FBXO4: variants seen among roughly 807,000 people sequenced by gnomAD.
FBXO4 encodes F-box protein 4, also known as F-box only protein 4.
FBXO4 carries 36 observed loss-of-function variants against 43.7 expected under a neutral mutation model. The ratio of observed to expected loss-of-function variants is 0.82; its 90% CI spans 0.63 to 1.09. FBXO4 has a LOEUF of 1.09. Ranked by LOEUF, FBXO4 falls within the 50% of genes least tolerant of loss-of-function variation. FBXO4 has a pLI of 0.00. For missense variants in FBXO4, 435 were observed against 474.1 expected (o/e 0.92, Z 0.77); for synonymous variants, 180 against 165.6 (o/e 1.09, Z -0.67).
the FBXO4 span, among the ~76,000 whole-genome samples, chr5:41,974,486 T>G: frequency 6.6e-6 from 1 of 152,196 alleles, no homozygotes; most frequent in South Asian, 2.1e-4. Context: ...CTGAGTAATA[T>G]CTGTCAATCT....
chr5:41,930,282 C>G (rs1335030209), intron 3 of FBXO4: 1 of 156,306 alleles, frequency 6.4e-6, no homozygotes. Context: ...AGATTTAAAT[C>G]ATCACCTTCC....
the FBXO4 span, among the ~76,000 whole-genome samples, chr5:41,980,058 G>A: frequency 1.3e-5 from 2 of 152,160 alleles, no homozygotes; most frequent in African/African-American, 4.8e-5. Context: ...TGGGGGCTTA[G>A]TGCAAACTTA....
chr5:41,946,836 T>C, the FBXO4 span, among the ~76,000 whole-genome samples: 3 of 152,204 alleles, frequency 2.0e-5, no homozygotes, highest in Non-Finnish European at 2.9e-5. Context: ...TCTTCTGCTT[T>C]CTTCATTTAC....
the FBXO4 span, among the ~76,000 whole-genome samples, chr5:42,017,486 T>A: frequency 6.6e-6 from 1 of 152,064 alleles, no homozygotes; most frequent in Non-Finnish European, 1.5e-5. Context: ...TGTGCAGGTT[T>A]GTTACTTGGG....
chr5:42,021,839 G>A, the FBXO4 span, among the ~76,000 whole-genome samples: 1 of 152,066 alleles, frequency 6.6e-6, no homozygotes, highest in African/African-American at 2.4e-5. Flanking sequence ...TTGAAGAACA[G>A]CAACAGAGAA....
At chr5:41,974,351 A>G in the FBXO4 span, among the ~76,000 whole-genome samples, 1 of 151,914 alleles carries the variant, frequency 6.6e-6, no homozygotes, top group Non-Finnish European at 1.5e-5. Flanking sequence ...AATTACATGT[A>G]TGTTAGATGG....
the FBXO4 span, among the ~76,000 whole-genome samples, chr5:41,975,941 A>G: frequency 2.6e-5 from 4 of 152,078 alleles, no homozygotes; most frequent in Non-Finnish European, 5.9e-5. Flanking sequence ...AGGCCTCAAG[A>G]AGCTTACAAT....
chr5:41,936,023 G>C (rs1482163593), intron 5 of FBXO4, among the ~76,000 whole-genome samples: 1 of 150,970 alleles, frequency 6.6e-6, no homozygotes, highest in African/African-American at 2.4e-5. Flanking sequence ...GTTTGATTCA[G>C]CCTACTGCAT....
chr5:41,938,175 A>G (rs564438763), intron 5 of FBXO4, among the ~76,000 whole-genome samples: 2 of 152,338 alleles, frequency 1.3e-5, no homozygotes, highest in Non-Finnish European at 2.9e-5. Flanking sequence ...ATAGTGTATT[A>G]TACATGTATG....
At chr5:41,949,946 C>T in the FBXO4 span, among the ~76,000 whole-genome samples, 9 of 152,040 alleles carry the variant, frequency 5.9e-5, no homozygotes, top group Non-Finnish European at 1.2e-4. Context: ...ACAAACCTGA[C>T]AAAAACAAGC....
the FBXO4 span, among the ~76,000 whole-genome samples, chr5:41,998,068 T>C: frequency 1.4e-4 from 22 of 152,188 alleles, no homozygotes; most frequent in Admixed American, 1.2e-3. Flanking sequence ...CTAGGAACAC[T>C]GTAATTAATT....
the FBXO4 span, chr5:41,968,236 C>T: frequency 5.1e-6 from 1 of 195,254 alleles, no homozygotes; most frequent in East Asian, 1.3e-4. Flanking sequence ...GTTATCGGAA[C>T]CAGTAAGAGC....
the FBXO4 span, among the ~76,000 whole-genome samples, chr5:42,019,123 G>C: frequency 6.6e-6 from 1 of 151,944 alleles, no homozygotes. Flanking sequence ...AATAACCTAA[G>C]TATATTTGGG....
At chr5:41,973,016 A>G in the FBXO4 span, among the ~76,000 whole-genome samples, 3 of 152,322 alleles carry the variant, frequency 2.0e-5, no homozygotes, top group Non-Finnish European at 4.4e-5. Flanking sequence ...GCCTTGGCAA[A>G]GATTTCATGA....
the FBXO4 span, among the ~76,000 whole-genome samples, chr5:41,954,716 C>T: frequency 6.6e-6 from 1 of 152,102 alleles, no homozygotes; most frequent in East Asian, 1.9e-4. Flanking sequence ...TTATTTAAAT[C>T]TCTTCATAAT....
At chr5:42,029,658 T>A in the FBXO4 span, among the ~76,000 whole-genome samples, 2 of 151,960 alleles carry the variant, frequency 1.3e-5, no homozygotes, top group Non-Finnish European at 2.9e-5. Flanking sequence ...TTCTTTTATC[T>A]CCTCTCACCA....
At chr5:41,988,180 T>C in the FBXO4 span, among the ~76,000 whole-genome samples, 1 of 152,150 alleles carries the variant, frequency 6.6e-6, no homozygotes, top group African/African-American at 2.4e-5. Flanking sequence ...TGAGCCAGTA[T>C]CTCTGGATTG....
chr5:41,994,706 C>T, the FBXO4 span, among the ~76,000 whole-genome samples: 1 of 152,160 alleles, frequency 6.6e-6, no homozygotes, highest in South Asian at 2.1e-4. Flanking sequence ...CCTTCTTATC[C>T]TATTGACTTA....
the FBXO4 span, among the ~76,000 whole-genome samples, chr5:42,013,958 A>AT: frequency 1.3e-5 from 2 of 152,216 alleles, no homozygotes; most frequent in African/African-American, 4.8e-5. Context: ...CATATGCTCC[A>AT]TGAAGATAGA....
Sources: allele counts gnomAD v4.1 joint callset (sites outside exome capture counted in the v4.1 genomes callset), GRCh38; gene constraint gnomAD v4.1.1; transcripts MANE v1.5; gene names NCBI Gene and HGNC (gene_info 2026-07-23, HGNC 2026-07-21).